FOXP2: variants seen among roughly 807,000 people sequenced by gnomAD.
The protein encoded by FOXP2 is forkhead box P2.
A neutral mutation model predicts 115.8 loss-of-function variants in FOXP2; 12 were observed. The observed-to-expected ratio is 0.10, with a 90% CI of 0.07 to 0.17. The LOEUF is 0.17. Ranked by LOEUF, FOXP2 falls within the 10% of genes least tolerant of loss-of-function variation. FOXP2 has a pLI of 1.00. For missense variants in FOXP2, 629 were observed against 843.5 expected, an observed-to-expected ratio of 0.75 and a Z score of 3.15; for synonymous variants, 328 against 297.7, an observed-to-expected ratio of 1.10 and a Z score of -1.05.
chr7:114,474,951 A>T (rs1034885992), intron 2 of FOXP2, among the ~76,000 whole-genome samples: 2 of 151,956 alleles, frequency 1.3e-5, no homozygotes, highest in Non-Finnish European at 2.9e-5. Flanking sequence ...TTGAGTTCTT[A>T]TTCAAGAGAA....
intron 1 of FOXP2, among the ~76,000 whole-genome samples, chr7:114,270,658 G>GT (rs989012548): frequency 2.0e-5 from 3 of 152,010 alleles, no homozygotes; most frequent in Admixed American, 6.6e-5. Flanking sequence ...TTTTAATTGA[G>GT]TTTTTTTCTT....
At position 114,137,196 on chromosome 7, in the gene FOXP2, T is replaced by C. The variant is rs115475314; in HGVS notation, c.-246-25748T>C. 4.3e-3 allele frequency among the ~76,000 whole-genome samples: 650 copies of C among 152,084 alleles called. 3 individuals are homozygous for C. The highest frequency in any genetic ancestry group is 0.015 in the African/African-American group (625 of 41,512). ...TGAGTATATGTCTGTCTAAAGAGGG[T>C]ATTATGGATAGGTTTTAAAGATAAG... On this transcript the variant is annotated intron_variant, in intron 1 of 19. Transcript: ENST00000635638.
chr7:114,230,902 T>A (rs149242038), intron 1 of FOXP2, among the ~76,000 whole-genome samples: 1,679 of 151,456 alleles, frequency 0.011, 12 homozygotes, highest in Non-Finnish European at 0.019. Context: ...AAGGCATACA[T>A]AATGGAAAGA....
At chr7:114,296,493 T>C (rs1452504199) in intron 2 of FOXP2, among the ~76,000 whole-genome samples, 1 of 125,320 alleles carries the variant, frequency 8.0e-6, no homozygotes, top group Non-Finnish European at 1.6e-5. Context: ...TCCTGTGGAG[T>C]TTTTTTTTTC....
At chr7:114,330,413 C>T (rs2140617) in intron 2 of FOXP2, among the ~76,000 whole-genome samples, 7 of 150,526 alleles carry the variant, frequency 4.7e-5, no homozygotes, top group Non-Finnish European at 8.9e-5. Context: ...CAGGAGGATC[C>T]CTTGAGCTCA....
At chr7:114,538,478 C>T in intron 3 of FOXP2, 1 of 647,126 alleles carries the variant, frequency 1.5e-6, no homozygotes, top group South Asian at 1.7e-5. Context: ...ATAAAGTTCT[C>T]CTTTCTAATA....
At chr7:114,585,623 G>C (rs1802095836) in intron 3 of FOXP2, among the ~76,000 whole-genome samples, 2 of 150,230 alleles carry the variant, frequency 1.3e-5, no homozygotes, top group Admixed American at 6.6e-5. Flanking sequence ...CCAGCACTTT[G>C]GGAAGCTGAA....
intron 1 of FOXP2, among the ~76,000 whole-genome samples, chr7:114,225,602 G>T (rs1794726779): frequency 6.6e-6 from 1 of 151,770 alleles, no homozygotes; most frequent in Non-Finnish European, 1.5e-5. Context: ...ATGCCACCAT[G>T]CCAGGCTAAT....
chr7:114,249,614 T>C lies in FOXP2; in HGVS notation c.-101-38405T>C, dbSNP rs142604689. 5.1e-3 allele frequency among the ~76,000 whole-genome samples: 773 copies of C among 152,272 alleles called. 7 individuals are homozygous for C. The highest frequency in any genetic ancestry group is 0.016 in the African/African-American group (681 of 41,546). Reference sequence around the variant, plus strand: ...CACATTTTCTTTATGCAGTCTATCATTGATGGACATTTGGGTTGATTCCAT... The same window carrying C: ...CACATTTTCTTTATGCAGTCTATCACTGATGGACATTTGGGTTGATTCCAT... On this transcript the variant is annotated intron_variant, in intron 1 of 17. Coordinates refer to the FOXP2 transcript ENST00000634411.
intron 1 of FOXP2, among the ~76,000 whole-genome samples, chr7:114,109,478 A>C (rs1791210307): frequency 6.6e-6 from 1 of 152,068 alleles, no homozygotes; most frequent in Non-Finnish European, 1.5e-5. Context: ...AAGTTTTGAA[A>C]GTTTGTGTTT....
At chr7:114,460,957 G>A (rs1308404476) in intron 2 of FOXP2, among the ~76,000 whole-genome samples, 1 of 152,144 alleles carries the variant, frequency 6.6e-6, no homozygotes, top group Non-Finnish European at 1.5e-5. Flanking sequence ...CCTTCCTTGA[G>A]ACTGTCTTAA....
chr7:114,297,187 G>A (rs1360171359), intron 2 of FOXP2: 4 of 497,012 alleles, frequency 8.0e-6, no homozygotes, highest in Non-Finnish European at 1.6e-5. Context: ...TCTTGGCGTG[G>A]ATGTGTCCCC....
intron 16 of FOXP2, among the ~76,000 whole-genome samples, chr7:114,677,186 A>AC (rs1457808713): frequency 7.1e-6 from 1 of 141,682 alleles, no homozygotes; most frequent in Non-Finnish European, 1.6e-5. Context: ...AAAAAAAAAA[A>AC]CAAAAAAAAC....
intron 2 of FOXP2, among the ~76,000 whole-genome samples, chr7:114,289,756 G>A (rs1796548212): frequency 6.6e-6 from 1 of 151,836 alleles, no homozygotes; most frequent in Non-Finnish European, 1.5e-5. Context: ...TGCTTATAGT[G>A]GCAGTTTTTA....
In FOXP2 at chr7:114,244,739, A is replaced by T. The variant is rs1194322; in HGVS notation, c.-101-43280A>T. On this transcript the variant is annotated intron_variant, in intron 1 of 17. Coordinates refer to the FOXP2 transcript ENST00000634411. ...CTTCCCAAACATTTGTGTTTCTGTT[A>T]GTTTTTCCTTGCATTTCTAATAGTG... 6.6e-5 allele frequency among the ~76,000 whole-genome samples: 10 copies of T among 151,856 alleles called. No homozygotes were observed. The South Asian group carries it at 8.3e-4, about 13-fold the overall frequency.
intron 2 of FOXP2, among the ~76,000 whole-genome samples, chr7:114,509,649 GTTTT>G (rs1038285867): frequency 7.6e-6 from 1 of 131,024 alleles, no homozygotes; most frequent in Non-Finnish European, 1.6e-5. Context: ...GTACTTGTTT[GTTTT>G]GTTTTGTTTT....
intron 1 of FOXP2, among the ~76,000 whole-genome samples, chr7:114,113,482 G>T (rs1333823091): frequency 1.3e-5 from 2 of 152,230 alleles, no homozygotes; most frequent in African/African-American, 4.8e-5. Flanking sequence ...CCTGTGCTCA[G>T]GCAGTCCTCC....
At chr7:114,578,441 G>T (rs1659949910) in intron 3 of FOXP2, among the ~76,000 whole-genome samples, 1 of 151,724 alleles carries the variant, frequency 6.6e-6, no homozygotes. Flanking sequence ...TTTTACAATT[G>T]AAAAAAAGTG....
At chr7:114,548,446 A>C (rs1160650740) in intron 3 of FOXP2, among the ~76,000 whole-genome samples, 3 of 152,200 alleles carry the variant, frequency 2.0e-5, no homozygotes, top group Admixed American at 2.0e-4. Flanking sequence ...TTCTGCAACC[A>C]ATAGTTTACC....
Sources: allele counts gnomAD v4.1 joint callset (sites outside exome capture counted in the v4.1 genomes callset), GRCh38; gene constraint gnomAD v4.1.1; transcripts MANE v1.5; gene names NCBI Gene and HGNC (gene_info 2026-07-23, HGNC 2026-07-21).